Variants in C1orf21 observed in about 807,000 individuals in gnomAD.
C1orf21 encodes uncharacterized protein C1orf21.
Under a neutral mutation model 18.7 loss-of-function variants are expected in C1orf21, and 3 were observed. The ratio of observed to expected loss-of-function variants is 0.16; its 90% CI spans 0.07 to 0.42. The LOEUF (loss-of-function observed/expected upper bound fraction) is 0.42. Among genes scored for constraint, C1orf21 ranks in the 10% least tolerant of loss-of-function variants. C1orf21 has a pLI of 0.99. For synonymous variants in C1orf21, 41 were observed against 46.4 expected, an observed-to-expected ratio of 0.88 and a Z score of 0.47; for missense variants, 104 against 143.6, an observed-to-expected ratio of 0.72 and a Z score of 1.41.
intron 3 of C1orf21, among the ~76,000 whole-genome samples, chr1:184,576,537 C>T (rs1223965838): frequency 6.6e-6 from 1 of 152,236 alleles, no homozygotes; most frequent in Non-Finnish European, 1.5e-5. Context: ...TTGGCACTGC[C>T]GTGTGCATTG....
intron 2 of C1orf21, among the ~76,000 whole-genome samples, chr1:184,479,706 A>G (rs1395797298): frequency 7.6e-6 from 1 of 131,618 alleles, no homozygotes; most frequent in African/African-American, 2.9e-5. Flanking sequence ...TGCTGCCTTG[A>G]CTTCCTGGGC....
chr1:184,431,414 A>G (rs562610936), intron 1 of C1orf21, among the ~76,000 whole-genome samples: 12 of 152,316 alleles, frequency 7.9e-5, no homozygotes, highest in African/African-American at 2.2e-4. Context: ...CTGGCTAGCC[A>G]TATGCAGAAA....
intron 5 of C1orf21, among the ~76,000 whole-genome samples, chr1:184,600,904 A>G (rs1315761027): frequency 6.6e-6 from 1 of 152,222 alleles, no homozygotes; most frequent in African/African-American, 2.4e-5. Context: ...AAAAATTAAA[A>G]TGCTCCTCCT....
intron 5 of C1orf21, among the ~76,000 whole-genome samples, chr1:184,618,115 G>A (rs1219469443): frequency 6.6e-6 from 1 of 151,912 alleles, no homozygotes; most frequent in African/African-American, 2.4e-5. Flanking sequence ...TCACCATGTT[G>A]GTCAGGCTGG....
chr1:184,415,568 GA>G (rs1388108497), intron 1 of C1orf21, among the ~76,000 whole-genome samples: 5 of 152,054 alleles, frequency 3.3e-5, no homozygotes, highest in Non-Finnish European at 7.4e-5. Context: ...ACCTATTAAT[GA>G]GTCATTAAAT....
intron 2 of C1orf21, among the ~76,000 whole-genome samples, chr1:184,503,001 C>G (rs1268055343): frequency 7.0e-6 from 1 of 143,660 alleles, no homozygotes; most frequent in African/African-American, 2.7e-5. Flanking sequence ...TCACTTGAGC[C>G]TGGGAGATGG....
intron 1 of C1orf21, among the ~76,000 whole-genome samples, chr1:184,399,928 A>G (rs1294424106): frequency 6.6e-6 from 1 of 152,198 alleles, no homozygotes; most frequent in Non-Finnish European, 1.5e-5. Context: ...TATGTAGGAA[A>G]ATTGATGCTT....
At chr1:184,512,287 G>C (rs772697387) in intron 3 of C1orf21, among the ~76,000 whole-genome samples, 1 of 152,180 alleles carries the variant, frequency 6.6e-6, no homozygotes, top group Non-Finnish European at 1.5e-5. Context: ...CTTAATATGT[G>C]TTCCTCTTTT....
rs568895283 is a variant in C1orf21 at position 184,400,282 on chromosome 1, A to T, written c.-125+12914A>T. Among the ~76,000 whole-genome samples the T allele has an allele frequency of 3.9e-5, 6 of 152,216 alleles. No individual in the cohort carries two copies. In the East Asian group the frequency reaches 1.2e-3, roughly 29 times the overall value. ...AAACAGTATTTCGAGACCACAGTACAGTTGTTAGGGGTTCTCATTGCCTTT... is the reference window on the plus strand; with the variant it reads ...AAACAGTATTTCGAGACCACAGTACTGTTGTTAGGGGTTCTCATTGCCTTT... On this transcript the variant is annotated intron_variant, in intron 1 of 5. Coordinates refer to ENST00000235307, the MANE Select transcript of C1orf21 (RefSeq NM_030806.4).
intron 1 of C1orf21, among the ~76,000 whole-genome samples, chr1:184,441,982 T>C (rs1430126371): frequency 2.0e-5 from 3 of 152,200 alleles, no homozygotes; most frequent in Non-Finnish European, 4.4e-5. Context: ...TATGTTGTAG[T>C]CAGTGAATGG....
chr1:184,403,661 A>C (rs1656200538), intron 1 of C1orf21, among the ~76,000 whole-genome samples: 1 of 152,236 alleles, frequency 6.6e-6, no homozygotes, highest in Admixed American at 6.5e-5. Flanking sequence ...TAGACACAGG[A>C]ATAGGCTAAC....
At position 184,387,833 on chromosome 1, in the gene C1orf21, C is replaced by A. The variant is rs751670725; in HGVS notation, c.-125+465C>A. Among the ~76,000 whole-genome samples, 2 of 152,194 alleles carry A rather than the reference C, an allele frequency of 1.3e-5. No individual in the cohort carries two copies. Among genetic ancestry groups the A allele is most frequent in the Non-Finnish European group, 2.9e-5 (2 of 68,032 alleles). ...CAATTTAGGATCCTTTGCTAAGTAT[C>A]CAAGTCCCTTCTCTCGCTCCGACTG... On this transcript the variant is annotated intron_variant, in intron 1 of 5. Coordinates refer to ENST00000235307, the MANE Select transcript of C1orf21 (RefSeq NM_030806.4). This position sits in a 1 kb window ranked among gnomAD's most constrained non-coding sequence, Gnocchi z 5.6.
At chr1:184,469,052 T>C (rs550306792) in intron 1 of C1orf21, among the ~76,000 whole-genome samples, 1 of 151,452 alleles carries the variant, frequency 6.6e-6, no homozygotes, top group African/African-American at 2.4e-5. Flanking sequence ...GTGGCCAACA[T>C]GGTGAAACCC....
At chr1:184,403,727 A>C (rs1447354153) in intron 1 of C1orf21, among the ~76,000 whole-genome samples, 1 of 152,206 alleles carries the variant, frequency 6.6e-6, no homozygotes, top group Non-Finnish European at 1.5e-5. Context: ...CAAGTGGAAC[A>C]CTTGGCTTTT....
At position 184,477,492 on chromosome 1, in the gene C1orf21, A is replaced by G; in HGVS notation, c.-18A>G. The stretch of plus-strand genomic sequence containing the variant: ...ATGATTTGCAGTTCAGCCCGGCTGA[A>G]GCTGACCGAATGAGACTATGGGCTG... On this transcript the variant is annotated 5_prime_UTR_variant, in exon 2 of 6. Transcript: ENST00000235307. 1 of 1,609,092 alleles carries G rather than the reference A, an allele frequency of 6.2e-7. No individual in the cohort carries two copies. Among genetic ancestry groups the G allele is most frequent in the Non-Finnish European group, 8.5e-7 (1 of 1,176,656 alleles).
intron 2 of C1orf21, among the ~76,000 whole-genome samples, chr1:184,498,041 G>C (rs916916211): frequency 2.6e-5 from 4 of 151,968 alleles, no homozygotes; most frequent in Non-Finnish European, 5.9e-5. Context: ...TCAGTGCCTC[G>C]CTGTATCTAT....
chr1:184,589,404 C>G (rs918698448), intron 3 of C1orf21, among the ~76,000 whole-genome samples: 2 of 152,218 alleles, frequency 1.3e-5, no homozygotes, highest in Non-Finnish European at 2.9e-5. Flanking sequence ...TCATGAAGTG[C>G]CAGGCCCCTT....
chr1:184,498,334 C>G (rs1657923528), intron 2 of C1orf21, among the ~76,000 whole-genome samples: 1 of 152,202 alleles, frequency 6.6e-6, no homozygotes, highest in South Asian at 2.1e-4. Flanking sequence ...GCATAAAGAT[C>G]ATTAAGATAT....
chr1:184,598,801 C>G (rs1015136642), intron 5 of C1orf21, among the ~76,000 whole-genome samples: 1 of 152,130 alleles, frequency 6.6e-6, no homozygotes, highest in South Asian at 2.1e-4. Flanking sequence ...GCAAGGGGGC[C>G]CATAGTACCT....
Sources: gnomAD v4.1 joint callset for allele counts (sites outside exome capture counted in the v4.1 genomes callset) on GRCh38, gnomAD v4.1.1 for gene constraint, Gnocchi (gnomAD v3.1) non-coding constraint, MANE v1.5 for transcripts, NCBI Gene and HGNC (gene_info 2026-07-23, HGNC 2026-07-21) for gene names.